Variants in CRIM1 observed in about 807,000 individuals in gnomAD.
CRIM1 encodes cysteine rich transmembrane BMP regulator 1.
In CRIM1, 32 loss-of-function variants were observed where a neutral mutation model predicts 116.4. The ratio of observed to expected loss-of-function variants is 0.27; its 90% CI spans 0.21 to 0.37. The LOEUF is 0.37. CRIM1 is among the 10% of genes least tolerant of loss of function. The pLI, the probability that CRIM1 is intolerant of heterozygous loss-of-function variation, is 1.00. For synonymous variants in CRIM1, 590 were observed against 509.2 expected, an observed-to-expected ratio of 1.16 and a Z score of -2.13; for missense variants, 1,331 against 1,354.8, an observed-to-expected ratio of 0.98 and a Z score of 0.28.
chr2:36,396,699 A>G lies in CRIM1; in HGVS notation c.417A>G (p.Lys139=), dbSNP rs530113910. The part of the protein sequence containing the change: ...LIAGCNIING[K]CECNTIRTCS... The stretch of plus-strand genomic sequence containing the variant: ...CTGGCTGCAATATAATCAATGGGAA[A>G]TGTGAATGTAACACCATTCGAACCT... The change falls in exon 2 of 17, where the codon AAA becomes AAG. Residue 139 remains lysine, a synonymous_variant. Coordinates refer to ENST00000280527, the MANE Select transcript of CRIM1 (RefSeq NM_016441.3). The G allele has an allele frequency of 6.2e-7, 1 of 1,613,802 alleles. No homozygotes were observed. Among genetic ancestry groups the G allele is most frequent in the African/African-American group, 1.3e-5 (1 of 75,060 alleles).
intron 2 of CRIM1, among the ~76,000 whole-genome samples, chr2:36,425,949 G>A (rs1256969793): frequency 6.6e-6 from 1 of 152,162 alleles, no homozygotes; most frequent in East Asian, 1.9e-4. Flanking sequence ...CCCTGTGCAG[G>A]GGAAAATCAC....
At chr2:36,454,377 AACACACACAC>A (rs369762729) in intron 4 of CRIM1, among the ~76,000 whole-genome samples, 1 of 151,458 alleles carries the variant, frequency 6.6e-6, no homozygotes, top group East Asian at 1.9e-4. Context: ...ACCACACACA[AACACACACAC>A]ACACATACAG....
Position 36,433,068 on chromosome 2 carries a change from G to A in CRIM1, c.506-8190G>A, listed in dbSNP as rs191632585. 1.4e-3 allele frequency among the ~76,000 whole-genome samples: 219 copies of A among 152,278 alleles called. 1 individual carries two copies. Among genetic ancestry groups the A allele is most frequent in the African/African-American group, 5.1e-3 (212 of 41,542 alleles). Reference sequence around the variant, plus strand: ...GGGCCTTAGAATTTGCACTTCTAGCGAGCTCCTTAGGAGATGCCGATGCTG... The same window carrying A: ...GGGCCTTAGAATTTGCACTTCTAGCAAGCTCCTTAGGAGATGCCGATGCTG... On this transcript the variant is annotated intron_variant, in intron 2 of 16. Transcript: ENST00000280527.
At chr2:36,366,277 T>C (rs561524647) in intron 1 of CRIM1, among the ~76,000 whole-genome samples, 8 of 152,314 alleles carry the variant, frequency 5.3e-5, no homozygotes, top group African/African-American at 1.9e-4. Context: ...ACTACTTTAG[T>C]ACCTCTCATT....
chr2:36,375,958 A>G (rs765153213), intron 1 of CRIM1, among the ~76,000 whole-genome samples: 2 of 152,324 alleles, frequency 1.3e-5, no homozygotes, highest in Middle Eastern at 3.4e-3. Context: ...ACAATAATAA[A>G]TATTTGGCAC....
intron 2 of CRIM1, among the ~76,000 whole-genome samples, chr2:36,417,565 T>C (rs1442073603): frequency 2.0e-5 from 3 of 152,160 alleles, no homozygotes; most frequent in African/African-American, 7.2e-5. Flanking sequence ...TGTTTGGAGT[T>C]TGGGATCCTT....
chr2:36,403,608 G>A lies in CRIM1; in HGVS notation c.505+6821G>A, dbSNP rs150613657. On this transcript the variant is annotated intron_variant, in intron 2 of 16. Coordinates refer to ENST00000280527, the MANE Select transcript of CRIM1 (RefSeq NM_016441.3). Reference sequence around the variant, plus strand: ...GTACAGATAGGAAGATACTAAGGAGGCCAAATCAGTGGGCTTCAGTGGCTG... The same window carrying A: ...GTACAGATAGGAAGATACTAAGGAGACCAAATCAGTGGGCTTCAGTGGCTG... Among the ~76,000 whole-genome samples, 20 of 152,224 alleles carry A rather than the reference G, an allele frequency of 1.3e-4. No homozygotes were observed. The Middle Eastern group carries it at 0.01, about 78-fold the overall frequency.
intron 4 of CRIM1, 31 bp from the exon 5 acceptor site, chr2:36,464,503 G>A: frequency 6.2e-7 from 1 of 1,613,238 alleles, no homozygotes; most frequent in Non-Finnish European, 8.5e-7. Flanking sequence ...GTTTATTCAT[G>A]GGGTTTTCCT....
At position 36,513,702 on chromosome 2, in the gene CRIM1, T is replaced by A; in HGVS notation, c.1927T>A (p.Cys643Ser). The A allele has an allele frequency of 6.2e-7, 1 of 1,614,236 alleles. No individual in the cohort carries two copies. The highest frequency in any genetic ancestry group is 8.5e-7 in the Non-Finnish European group (1 of 1,180,028). ...NGREMCALIT[C>S]PVPACGNPTI... ...ACGGGAAATGTGTGCCCTGATCACC[T>A]GCCCGGTGCCTGCCTGTGGCAACCC... Residue 643 changes from cysteine (C) to serine (S), a missense_variant, in exon 11 of 17, where the codon TGC becomes AGC. Physicochemically the swap from Cys to Ser is moderately radical, Grantham distance 112 (BLOSUM62 -1). Transcript: ENST00000280527.
At chr2:36,518,870 A>G (rs1444562335) in intron 12 of CRIM1, among the ~76,000 whole-genome samples, 1 of 152,146 alleles carries the variant, frequency 6.6e-6, no homozygotes, top group Non-Finnish European at 1.5e-5. Context: ...ACTTTTAGCT[A>G]TTTAGTTTAC....
chr2:36,513,534 A>G lies in CRIM1; in HGVS notation c.1781-22A>G, dbSNP rs371395983. 5.0e-6 allele frequency: 8 copies of G among 1,607,844 alleles called. No homozygotes were observed. In the African/African-American group the frequency reaches 9.4e-5, roughly 19 times the overall value. Reference sequence around the variant, plus strand: ...CCTGTGCAGTAGCCACTTCTTTACCAGGCTGCCTTTTGTCTGTCCAGAGGC... The same window carrying G: ...CCTGTGCAGTAGCCACTTCTTTACCGGGCTGCCTTTTGTCTGTCCAGAGGC... On this transcript the variant is annotated intron_variant, in intron 10 of 16. Transcript: ENST00000280527.
At chr2:36,454,044 T>C (rs1676936088) in intron 4 of CRIM1, among the ~76,000 whole-genome samples, 1 of 152,172 alleles carries the variant, frequency 6.6e-6, no homozygotes, top group African/African-American at 2.4e-5. Flanking sequence ...GCATTACTTG[T>C]TTAAGGTGTT....
At chr2:36,371,427 A>T (rs1476794049) in intron 1 of CRIM1, among the ~76,000 whole-genome samples, 1 of 152,170 alleles carries the variant, frequency 6.6e-6, no homozygotes, top group African/African-American at 2.4e-5. Flanking sequence ...CTCAATGAGC[A>T]TTTGTTGACT....
chr2:36,427,191 A>G (rs1446792530), intron 2 of CRIM1, among the ~76,000 whole-genome samples: 1 of 151,014 alleles, frequency 6.6e-6, no homozygotes, highest in Non-Finnish European at 1.5e-5. Context: ...ACAGAGTGAA[A>G]CTCTGTCTCA....
At chr2:36,358,257 G>A (rs1668989771) in intron 1 of CRIM1, among the ~76,000 whole-genome samples, 1 of 152,200 alleles carries the variant, frequency 6.6e-6, no homozygotes, top group Admixed American at 6.5e-5. Context: ...ACCATTGTAT[G>A]TGTTTTGACT....
At chr2:36,421,823 T>G (rs1674088918) in intron 2 of CRIM1, among the ~76,000 whole-genome samples, 1 of 152,220 alleles carries the variant, frequency 6.6e-6, no homozygotes, top group South Asian at 2.1e-4. Flanking sequence ...CCTTCTTTCC[T>G]TTTTTTATTT....
At position 36,550,853 on chromosome 2, in the gene CRIM1, A is replaced by G. The variant is rs561607180; in HGVS notation, c.*2152A>G. On this transcript the variant is annotated 3_prime_UTR_variant, in exon 17 of 17. Coordinates refer to ENST00000280527, the MANE Select transcript of CRIM1 (RefSeq NM_016441.3). ...GCTTTTTGTTTTTTCAATCATGGCC[A>G]TATTATGAAAATACTAACAGGATAT... The G allele has an allele frequency of 2.0e-5, 3 of 152,688 alleles. No homozygotes were observed. In the South Asian group the frequency reaches 6.2e-4, roughly 32 times the overall value. 9.5% of individuals were successfully genotyped at this position (152,688 alleles called of 1,614,324 possible).
At chr2:36,480,705 A>G (rs1558352387) in intron 7 of CRIM1, among the ~76,000 whole-genome samples, 1 of 152,178 alleles carries the variant, frequency 6.6e-6, no homozygotes, top group African/African-American at 2.4e-5. Flanking sequence ...CTTAAAAATC[A>G]TATAAAAGTT....
chr2:36,437,379 A>C (rs1675400124), intron 2 of CRIM1, among the ~76,000 whole-genome samples: 1 of 152,062 alleles, frequency 6.6e-6, no homozygotes, highest in Non-Finnish European at 1.5e-5. Flanking sequence ...CATCTCAAAA[A>C]AAAAAAGAGT....
Sources: gnomAD v4.1 joint callset for allele counts (sites outside exome capture counted in the v4.1 genomes callset) on GRCh38, gnomAD v4.1.1 for gene constraint, MANE v1.5 for transcripts, NCBI Gene and HGNC (gene_info 2026-07-23, HGNC 2026-07-21) for gene names.